The following DACH1 variants were observed in gnomAD, a reference collection of about 807,000 sequenced individuals.
DACH1 encodes dachshund homolog 1.
DACH1 carries 12 observed loss-of-function variants against 54.2 expected under a neutral mutation model. That is an observed-to-expected ratio of 0.22 (90% CI 0.14 to 0.36). The LOEUF is 0.36. Among genes scored for constraint, DACH1 ranks in the 10% least tolerant of loss-of-function variants. DACH1 has a pLI of 1.00. For synonymous variants in DACH1, 386 were observed against 366.2 expected (o/e 1.05, Z -0.62); for missense variants, 805 against 929.8 (o/e 0.87, Z 1.75).
At chr13:71,493,431 C>A (rs939871040) in intron 6 of DACH1, among the ~76,000 whole-genome samples, 2 of 152,064 alleles carry the variant, frequency 1.3e-5, no homozygotes, top group African/African-American at 4.8e-5. Flanking sequence ...ACCAGAAGCA[C>A]CCAGGGAAGC....
chr13:71,801,372 A>T (rs1435193937), intron 1 of DACH1, among the ~76,000 whole-genome samples: 1 of 152,152 alleles, frequency 6.6e-6, no homozygotes, highest in Non-Finnish European at 1.5e-5. Flanking sequence ...CAACAAATGC[A>T]TCTTCAGCAT....
chr13:71,816,961 T>C (rs1324641268), intron 1 of DACH1, among the ~76,000 whole-genome samples: 1 of 152,016 alleles, frequency 6.6e-6, no homozygotes, highest in Non-Finnish European at 1.5e-5. Context: ...TAATGGGTAC[T>C]AGGCTTGATG....
At chr13:71,638,165 A>T (rs377733413) in intron 2 of DACH1, among the ~76,000 whole-genome samples, 7 of 152,350 alleles carry the variant, frequency 4.6e-5, no homozygotes, top group African/African-American at 1.7e-4. Context: ...AGTAGATTAT[A>T]GCCAATGGTA....
chr13:71,771,315 GGATAAATAAATAAATA>G (rs770543393), intron 1 of DACH1, among the ~76,000 whole-genome samples: 8 of 140,924 alleles, frequency 5.7e-5, no homozygotes, highest in South Asian at 2.2e-4. Flanking sequence ...AGAAGCAAAA[GGATAAATAAATAAATA>G]AATAAATAAA....
chr13:71,493,499 T>C (rs1031920017), intron 6 of DACH1, among the ~76,000 whole-genome samples: 10 of 152,190 alleles, frequency 6.6e-5, no homozygotes, highest in African/African-American at 2.4e-4. Context: ...CATAAATGTT[T>C]GTTGGTTTAA....
intron 1 of DACH1, among the ~76,000 whole-genome samples, chr13:71,842,093 C>T (rs1274042801): frequency 1.3e-5 from 2 of 152,048 alleles, no homozygotes; most frequent in Admixed American, 6.6e-5. Context: ...CCTCAGATAA[C>T]TCATTTAGTA....
chr13:71,481,653 C>G (rs554632953), intron 7 of DACH1, among the ~76,000 whole-genome samples: 1 of 152,134 alleles, frequency 6.6e-6, no homozygotes, highest in East Asian at 1.9e-4. Context: ...CAGTAGGAGT[C>G]CAGTGTGAAC....
At chr13:71,704,433 G>A in intron 1 of DACH1, 1 of 383,088 alleles carries the variant, frequency 2.6e-6, no homozygotes, top group Middle Eastern at 5.3e-4. Context: ...TTCTTGCAAA[G>A]AGAATTAATG....
At chr13:71,693,391 C>T (rs761482635) in intron 1 of DACH1, among the ~76,000 whole-genome samples, 37 of 146,626 alleles carry the variant, frequency 2.5e-4, no homozygotes, top group Non-Finnish European at 4.2e-4. Context: ...CAAGCTCCGC[C>T]TCCTGGGTTC....
At chr13:71,839,929 C>A (rs555404532) in intron 1 of DACH1, among the ~76,000 whole-genome samples, 34 of 152,110 alleles carry the variant, frequency 2.2e-4, no homozygotes, top group African/African-American at 8.2e-4. Flanking sequence ...TATATCCCCA[C>A]TAAAGCCGTA....
chr13:71,632,063 GA>G (rs1877146217), intron 2 of DACH1, among the ~76,000 whole-genome samples: 1 of 151,488 alleles, frequency 6.6e-6, no homozygotes, highest in Admixed American at 6.6e-5. Context: ...ACACTTGGGT[GA>G]CAGAGTGAGA....
chr13:71,864,128 A>AC (rs1394484044), intron 1 of DACH1, among the ~76,000 whole-genome samples: 1 of 74,554 alleles, frequency 1.3e-5, no homozygotes, highest in Non-Finnish European at 2.6e-5. Context: ...GACCCCCACC[A>AC]CCCCCCATCT....
intron 2 of DACH1, among the ~76,000 whole-genome samples, chr13:71,647,859 C>G (rs1878398535): frequency 6.6e-6 from 1 of 152,110 alleles, no homozygotes; most frequent in Admixed American, 6.5e-5. Context: ...TCCAATATTC[C>G]AATATTTGTA....
intron 2 of DACH1, among the ~76,000 whole-genome samples, chr13:71,677,685 T>G (rs1880656405): frequency 6.6e-6 from 1 of 152,190 alleles, no homozygotes; most frequent in East Asian, 1.9e-4. Context: ...TAAAAGTGAT[T>G]AGGACTGAAT....
intron 6 of DACH1, among the ~76,000 whole-genome samples, chr13:71,533,769 A>AAC (rs141125520): frequency 0.061 from 8,973 of 148,148 alleles, 735 homozygotes; most frequent in African/African-American, 0.19. Context: ...CACACACACA[A>AAC]ACACACACAC....
At chr13:71,448,832 T>TTTTTTTTTA in intron 10 of DACH1, among the ~76,000 whole-genome samples, 1 of 151,758 alleles carries the variant, frequency 6.6e-6, no homozygotes. Context: ...TGGTTTTTTT[T>TTTTTTTTTA]TTTTTTCAAG....
At chr13:71,692,558 C>T (rs1400221928) in intron 1 of DACH1, among the ~76,000 whole-genome samples, 1 of 124,004 alleles carries the variant, frequency 8.1e-6, no homozygotes, top group Admixed American at 9.5e-5. Flanking sequence ...CTTGCTCTGT[C>T]ACCACCCAGG....
At chr13:71,832,747 G>T (rs1000072748) in intron 1 of DACH1, among the ~76,000 whole-genome samples, 2 of 151,830 alleles carry the variant, frequency 1.3e-5, no homozygotes, top group African/African-American at 2.4e-5. Context: ...GTAAGAGAAG[G>T]CATGATATCC....
At chr13:71,849,788 A>G (rs1404964826) in intron 1 of DACH1, among the ~76,000 whole-genome samples, 1 of 152,250 alleles carries the variant, frequency 6.6e-6, no homozygotes, top group African/African-American at 2.4e-5. Context: ...ATTTCCAGAT[A>G]TCAAATTCAT....
Sources: allele counts gnomAD v4.1 joint callset (sites outside exome capture counted in the v4.1 genomes callset), GRCh38; gene constraint gnomAD v4.1.1; transcripts MANE v1.5; gene names NCBI Gene and HGNC (gene_info 2026-07-23, HGNC 2026-07-21).